Variants in DEFB1 observed in about 807,000 individuals in gnomAD.
The protein encoded by DEFB1 is defensin beta 1.
A neutral mutation model predicts 2.6 loss-of-function variants in DEFB1; 4 were observed. That is an observed-to-expected ratio of 1.53 (90% CI 0.76 to 3.51). The LOEUF (loss-of-function observed/expected upper bound fraction) is 3.51, where lower values mean the gene tolerates loss of function less well. DEFB1 is among the 30% of genes most tolerant of loss of function. The pLI is 0.01. For missense variants in DEFB1, 162 were observed against 76.9 expected (o/e 2.11, Z -4.14); for synonymous variants, 56 against 28.5 (o/e 1.96, Z -3.07).
Position 6,877,839 on chromosome 8 carries a change from G to C in DEFB1, c.19C>G (p.Leu7Val). 3.1e-6 allele frequency: 5 copies of C among 1,614,058 alleles called. No individual in the cohort carries two copies. In the South Asian group the frequency reaches 4.4e-5, roughly 14 times the overall value. The change falls in exon 1 of 2, where the codon CTG becomes GTG. Residue 7 changes from leucine to valine, a missense_variant. By Grantham distance (32) the Leu-to-Val change is conservative. Transcript: ENST00000297439. Reference sequence around the variant, plus strand: ...AAAAGTAAGCAGAGAGTAAACAGCAGAAGGTAGGAAGTTCTCATGGCGACT... The same window carrying C: ...AAAAGTAAGCAGAGAGTAAACAGCACAAGGTAGGAAGTTCTCATGGCGACT... MRTSYL[L>V]LFTLCLLLSE...
At chr8:6,877,415 C>T (rs903047100) in intron 1 of DEFB1, among the ~76,000 whole-genome samples, 2 of 152,238 alleles carry the variant, frequency 1.3e-5, no homozygotes, top group African/African-American at 4.8e-5. Context: ...AGGCTGCACC[C>T]AGTGACGTGG....
chr8:6,877,891 A>C lies in DEFB1; in HGVS notation c.-34T>G. The C allele has an allele frequency of 6.2e-7, 1 of 1,606,280 alleles. No individual in the cohort carries two copies. Among genetic ancestry groups the C allele is most frequent in the South Asian group, 1.1e-5 (1 of 90,916 alleles). On this transcript the variant is annotated 5_prime_UTR_variant, in exon 1 of 2. Transcript: ENST00000297439. Reference sequence around the variant, plus strand: ...GCAGGCAACACCCAGGATTTCAGGAACTGGGGAGACGCTGGCTCCTTTGGA... The same window carrying C: ...GCAGGCAACACCCAGGATTTCAGGACCTGGGGAGACGCTGGCTCCTTTGGA...
intron 1 of DEFB1, among the ~76,000 whole-genome samples, chr8:6,875,905 G>A (rs979712773): frequency 2.6e-5 from 4 of 152,152 alleles, no homozygotes; most frequent in Non-Finnish European, 5.9e-5. Flanking sequence ...AAAGTCAAGT[G>A]AGTGATTATT....
chr8:6,871,900 G>A (rs549946797), intron 1 of DEFB1, among the ~76,000 whole-genome samples: 5 of 152,258 alleles, frequency 3.3e-5, no homozygotes, highest in South Asian at 2.1e-4. Flanking sequence ...CAGTTTAAAC[G>A]ATAAATCTGG....
At chr8:6,872,894 G>T (rs781599954) in intron 1 of DEFB1, among the ~76,000 whole-genome samples, 7 of 152,178 alleles carry the variant, frequency 4.6e-5, no homozygotes, top group Non-Finnish European at 1.0e-4. Flanking sequence ...GTGCTGGAAA[G>T]ATACTTAGAG....
intron 1 of DEFB1, among the ~76,000 whole-genome samples, chr8:6,871,277 C>T (rs942203824): frequency 3.3e-5 from 5 of 152,200 alleles, no homozygotes; most frequent in African/African-American, 1.2e-4. Flanking sequence ...TCCCGGCCCC[C>T]TCACTTCCCA....
In DEFB1 at chr8:6,874,258, C is replaced by G. The variant is rs188216106; in HGVS notation, c.62-3432G>C. Among the ~76,000 whole-genome samples the G allele has an allele frequency of 2.4e-3, 369 of 152,118 alleles. 1 individual carries two copies. Among genetic ancestry groups the G allele is most frequent in the Middle Eastern group, 6.8e-3 (2 of 294 alleles). The stretch of plus-strand genomic sequence containing the variant: ...ACAAAAGCAGGAACATCACATCCTA[C>G]TAACATAAAAAAAGTTATTATGAAG... On this transcript the variant is annotated intron_variant, in intron 1 of 1. Transcript: ENST00000297439.
intron 1 of DEFB1, among the ~76,000 whole-genome samples, chr8:6,871,584 C>G (rs990067384): frequency 1.3e-5 from 2 of 152,126 alleles, no homozygotes; most frequent in Non-Finnish European, 2.9e-5. Flanking sequence ...GTGTCGAAGC[C>G]CTAACAGTGC....
rs189462990 is a variant in DEFB1 at position 6,877,201 on chromosome 8, T to G, written c.61+596A>C. 3.8e-3 allele frequency among the ~76,000 whole-genome samples: 586 copies of G among 152,298 alleles called. 1 individual carries two copies. Among genetic ancestry groups the G allele is most frequent in the African/African-American group, 0.013 (556 of 41,570 alleles). On this transcript the variant is annotated intron_variant, in intron 1 of 1. Transcript: ENST00000297439. ...CCATCATGTCAGGGTCATGGCTGCT[T>G]TGGCCCAGAGAAGCTGACATACACC...
At chr8:6,876,058 A>G (rs1373140476) in intron 1 of DEFB1, among the ~76,000 whole-genome samples, 12 of 152,232 alleles carry the variant, frequency 7.9e-5, no homozygotes, top group Admixed American at 7.9e-4. Context: ...CTGAACCACC[A>G]TCAGAAAGAA....
At chr8:6,875,070 A>ACACACG (rs1806474851) in intron 1 of DEFB1, among the ~76,000 whole-genome samples, 1 of 81,230 alleles carries the variant, frequency 1.2e-5, no homozygotes, top group Non-Finnish European at 3.2e-5. Flanking sequence ...GAAGCCACAC[A>ACACACG]CACACACACA....
Position 6,870,642 on chromosome 8 carries a change from C to A in DEFB1, c.*39G>T. 6.3e-7 allele frequency: 1 copy of A among 1,591,504 alleles called. No individual in the cohort carries two copies. Among genetic ancestry groups the A allele is most frequent in the African/African-American group, 1.4e-5 (1 of 73,802 alleles). On this transcript the variant is annotated 3_prime_UTR_variant, in exon 2 of 2. Coordinates refer to ENST00000297439, the MANE Select transcript of DEFB1 (RefSeq NM_005218.4). Reference sequence around the variant, plus strand: ...ATTAAAAGAATGCTTATAAAAAGTTCATTTCACTTCTGCGTCATTTCTTCT... The same window carrying A: ...ATTAAAAGAATGCTTATAAAAAGTTAATTTCACTTCTGCGTCATTTCTTCT...
At chr8:6,874,894 A>G (rs1806463063) in intron 1 of DEFB1, among the ~76,000 whole-genome samples, 1 of 152,028 alleles carries the variant, frequency 6.6e-6, no homozygotes. Context: ...AGGCAGGAGA[A>G]TCCCTTGAAC....
At position 6,870,738 on chromosome 8, in the gene DEFB1, C is replaced by A. The variant is rs142991753; in HGVS notation, c.150G>T (p.Pro50=). The A allele has an allele frequency of 5.0e-6, 8 of 1,614,062 alleles. No individual in the cohort carries two copies. Among genetic ancestry groups the A allele is most frequent in the South Asian group, 4.4e-5 (4 of 91,084 alleles). Residue 50 remains proline, a synonymous_variant, in exon 2 of 2, where the codon CCG becomes CCT. Transcript: ENST00000297439. ...AGGTGCCTTGAATTTTGGTAAAGATCGGGCAGGCAGAATAGAGACATTGCC... is the reference window on the plus strand; with the variant it reads ...AGGTGCCTTGAATTTTGGTAAAGATAGGGCAGGCAGAATAGAGACATTGCC... The part of the protein sequence containing the change: ...SGGQCLYSAC[P]IFTKIQGTCY...
At chr8:6,875,283 C>A (rs939528105) in intron 1 of DEFB1, among the ~76,000 whole-genome samples, 4 of 152,116 alleles carry the variant, frequency 2.6e-5, no homozygotes, top group Non-Finnish European at 5.9e-5. Flanking sequence ...ACATTGAAAT[C>A]ATGATAAAAG....
intron 1 of DEFB1, among the ~76,000 whole-genome samples, chr8:6,871,077 C>T (rs561447021): frequency 2.3e-4 from 35 of 152,326 alleles, no homozygotes; most frequent in Non-Finnish European, 4.6e-4. Flanking sequence ...GTGGGGTTTT[C>T]TTCTGCTGAG....
chr8:6,873,943 C>T (rs996911576), intron 1 of DEFB1, among the ~76,000 whole-genome samples: 2 of 152,166 alleles, frequency 1.3e-5, no homozygotes, highest in Admixed American at 6.6e-5. Context: ...AAGCACTTGC[C>T]TTTAACATTT....
intron 1 of DEFB1, among the ~76,000 whole-genome samples, chr8:6,876,176 A>T (rs5743443): frequency 6.6e-6 from 1 of 152,132 alleles, no homozygotes; most frequent in African/African-American, 2.4e-5. Context: ...AATATTTTCT[A>T]TTCCTTTAAA....
intron 1 of DEFB1, among the ~76,000 whole-genome samples, chr8:6,871,996 C>T (rs1806339012): frequency 6.6e-6 from 1 of 152,178 alleles, no homozygotes; most frequent in African/African-American, 2.4e-5. Flanking sequence ...GGAAAGATGG[C>T]TTTCACACCG....
Sources: gnomAD v4.1 joint callset for allele counts (sites outside exome capture counted in the v4.1 genomes callset) on GRCh38, gnomAD v4.1.1 for gene constraint, MANE v1.5 for transcripts, NCBI Gene and HGNC (gene_info 2026-07-23, HGNC 2026-07-21) for gene names.